IVD: variants seen among roughly 807,000 people sequenced by gnomAD.
The protein encoded by IVD is isovaleryl-CoA dehydrogenase, also known as isovaleryl-CoA dehydrogenase, mitochondrial.
In IVD, 31 loss-of-function variants were observed where a neutral mutation model predicts 51.3. The observed-to-expected ratio is 0.60, with a 90% CI of 0.45 to 0.81. IVD has a LOEUF of 0.81. Among genes scored for constraint, IVD ranks in the 40% least tolerant of loss-of-function variants. IVD has a pLI of 0.00. For missense variants in IVD, 475 were observed against 552.0 expected, an observed-to-expected ratio of 0.86 and a Z score of 1.40; for synonymous variants, 205 against 219.4, an observed-to-expected ratio of 0.93 and a Z score of 0.58.
Position 40,420,544 on chromosome 15 carries a change from C to T in IVD, c.*2281C>T. On this transcript the variant is annotated 3_prime_UTR_variant, in exon 12 of 12. Transcript: ENST00000487418. ...CTGGCCCAGGTCCTATTCCTGTCCT[C>T]CAGCCCGTTCTTTCATGAGGGACAG... 1 of 987,598 alleles carries T rather than the reference C, an allele frequency of 1.0e-6. No individual in the cohort carries two copies. Among genetic ancestry groups the T allele is most frequent in the African/African-American group, 1.7e-5 (1 of 57,422 alleles). 61.2% of individuals were successfully genotyped at this position (987,598 alleles called of 1,614,324 possible). A position where few individuals can be genotyped will look rare whatever the true frequency, so the allele number is the denominator to read the frequency against.
At chr15:40,425,898 C>T (rs1270415682), downstream of IVD, among the ~76,000 whole-genome samples, 1 of 151,998 alleles carries the variant, frequency 6.6e-6, no homozygotes, top group African/African-American at 2.4e-5. Context: ...CAGCCTTGAC[C>T]TCCCGGGCTC....
chr15:40,407,553 T>C (rs1468964692), intron 1 of IVD, 83 bp from the exon 2 acceptor site: 2 of 992,226 alleles, frequency 2.0e-6, no homozygotes, highest in Non-Finnish European at 1.6e-6. Context: ...TTTGGGGAAG[T>C]TACTTGTGGC....
downstream of IVD, chr15:40,424,024 A>C: frequency 2.1e-6 from 1 of 468,022 alleles, no homozygotes. Flanking sequence ...CCGTTCCAGA[A>C]TTTGGCCTCT....
rs149824459 is a variant in IVD at position 40,433,851 on chromosome 15, C to T, written c.720-3C>T. ...CATGTTTAATTTCCCTTTTCGTCTC[C>T]AGCCTGGGTCCATGGATCTTGGAGT... On this transcript the variant is annotated splice_region_variant and splice_polypyrimidine_tract_variant and intron_variant, in intron 7 of 8. Transcript: ENST00000473112. 13 of 456,700 alleles carry T rather than the reference C, an allele frequency of 2.8e-5. No homozygotes were observed. In the East Asian group the frequency reaches 9.0e-4, roughly 32 times the overall value. The allele number at this position is 456,700 out of a possible 1,614,324, so 28.3% of individuals were successfully genotyped here.
At chr15:40,413,491 C>A (rs915125336) in intron 7 of IVD, among the ~76,000 whole-genome samples, 34 of 151,922 alleles carry the variant, frequency 2.2e-4, no homozygotes, top group African/African-American at 7.7e-4. Context: ...AAAAACAAAA[C>A]ATCTGAATCC....
downstream of IVD, among the ~76,000 whole-genome samples, chr15:40,429,037 C>T (rs942210168): frequency 6.6e-6 from 1 of 152,196 alleles, no homozygotes; most frequent in South Asian, 2.1e-4. Flanking sequence ...AGCCATCTTA[C>T]ACTACAAGCT....
rs1171216146 is a variant in IVD at position 40,416,167 on chromosome 15, C to T, written c.1050C>T (p.Gly350=). Residue 350 remains glycine (G), a synonymous_variant, in exon 10 of 12, where the codon GGC becomes GGT. Coordinates refer to ENST00000487418, the MANE Select transcript of IVD (RefSeq NM_002225.5). The stretch of plus-strand genomic sequence containing the variant: ...ATGTCGCCAAGGCCTGCGATGAGGG[C>T]CATTGCACTGCTAAGGTGAGGGCCA... ...VYNVAKACDE[G]HCTAKDCAGV... 2 of 1,614,078 alleles carry T rather than the reference C, an allele frequency of 1.2e-6. No homozygotes were observed. Among genetic ancestry groups the T allele is most frequent in the African/African-American group, 1.3e-5 (1 of 74,956 alleles).
At position 40,431,411 on chromosome 15, in the gene IVD, G is replaced by A. The variant is rs1397379460; in HGVS notation, c.720-2443G>A. On this transcript the variant is annotated intron_variant, in intron 7 of 8. Coordinates refer to the IVD transcript ENST00000473112. ...GACTGGCTGGGGATTAAGAGTATGT[G>A]TAGGCCGGGCGCAGTGGCTCACGCC... Among the ~76,000 whole-genome samples the A allele has an allele frequency of 2.6e-5, 4 of 152,246 alleles. No homozygotes were observed. In the East Asian group the frequency reaches 5.8e-4, roughly 22 times the overall value.
intron 7 of IVD, among the ~76,000 whole-genome samples, chr15:40,430,072 G>A (rs536299004): frequency 3.0e-4 from 45 of 152,250 alleles, no homozygotes; most frequent in Admixed American, 4.6e-4. Context: ...AGCCTGGCAC[G>A]CAGTGTGGCT....
At chr15:40,412,936 C>T (rs1891234420) in intron 6 of IVD, 55 bp from the exon 7 acceptor site, 5 of 1,469,928 alleles carry the variant, frequency 3.4e-6, no homozygotes, top group Non-Finnish European at 4.8e-6. Flanking sequence ...CTTTCCTTTA[C>T]CAGGCCCCCT....
At chr15:40,417,487 C>G (rs2412523) in intron 11 of IVD, among the ~76,000 whole-genome samples, 92,591 of 147,076 alleles carry the variant, frequency 0.63, 29,870 homozygotes, top group East Asian at 0.81. Flanking sequence ...CAGCCTAGGC[C>G]ACAGAGCATG....
At chr15:40,429,359 G>C (rs866507783), downstream of IVD, among the ~76,000 whole-genome samples, 59 of 152,238 alleles carry the variant, frequency 3.9e-4, no homozygotes, top group African/African-American at 1.4e-3. Flanking sequence ...CAGGGTGCCA[G>C]GGATTCAAAG....
chr15:40,425,087 C>T (rs894276328), downstream of IVD, among the ~76,000 whole-genome samples: 1 of 152,196 alleles, frequency 6.6e-6, no homozygotes, highest in South Asian at 2.1e-4. Context: ...GACCCTGACC[C>T]TCCTCTGCTA....
In IVD at chr15:40,405,916, A is replaced by G; in HGVS notation, c.89A>G (p.His30Arg). 6.2e-7 allele frequency: 1 copy of G among 1,613,114 alleles called. No homozygotes were observed. Among genetic ancestry groups the G allele is most frequent in the East Asian group, 2.2e-5 (1 of 44,882 alleles). The change falls in exon 1 of 12, where the codon CAC becomes CGC. Residue 30 changes from histidine to arginine, a missense_variant. Physicochemically the swap from His to Arg is conservative, Grantham distance 29 (BLOSUM62 0). Transcript: ENST00000487418. ...GCCGGCTTCGTTTCCCAGCGGGCCC[A>G]CTCGCTTTTGCCCGTGGACGATGCA... ...PLAGFVSQRA[H>R]SLLPVDDAIN...
chr15:40,427,865 T>C (rs1595823154), downstream of IVD, among the ~76,000 whole-genome samples: 1 of 151,632 alleles, frequency 6.6e-6, no homozygotes, highest in African/African-American at 2.4e-5. Flanking sequence ...AGGGTGGGAG[T>C]CAGACCAGTC....
At chr15:40,422,583 G>A (rs11635104), downstream of IVD, among the ~76,000 whole-genome samples, 54,484 of 85,738 alleles carry the variant, frequency 0.64, 14,720 homozygotes, top group East Asian at 0.83. Flanking sequence ...GCGCCCGGCC[G>A]ACTTTTTTTT....
downstream of IVD, among the ~76,000 whole-genome samples, chr15:40,426,137 T>C (rs1374763257): frequency 6.6e-6 from 1 of 152,168 alleles, no homozygotes; most frequent in Non-Finnish European, 1.5e-5. Context: ...CTGTAATCTC[T>C]TCAATTTTTT....
At chr15:40,414,078 C>T (rs1396985689) in intron 7 of IVD, among the ~76,000 whole-genome samples, 5 of 152,046 alleles carry the variant, frequency 3.3e-5, no homozygotes, top group Admixed American at 1.3e-4. Context: ...AGGCTGCTCT[C>T]GAACTCCTGA....
In IVD at chr15:40,421,034, C is replaced by T. The variant is rs900806120; in HGVS notation, c.*2771C>T. ...GTTGGCTCCTCACCAACCCCAGTTCCGTCCCATCCTGAGGGCAAGATCCTG... is the reference window on the plus strand; with the variant it reads ...GTTGGCTCCTCACCAACCCCAGTTCTGTCCCATCCTGAGGGCAAGATCCTG... On this transcript the variant is annotated 3_prime_UTR_variant, in exon 12 of 12. Coordinates refer to ENST00000487418, the MANE Select transcript of IVD (RefSeq NM_002225.5). 7.1e-6 allele frequency: 7 copies of T among 985,292 alleles called. No individual in the cohort carries two copies. The highest frequency in any genetic ancestry group is 4.7e-5 in the South Asian group (1 of 21,236). The allele number at this position is 985,292 out of a possible 1,614,324, so 61.0% of individuals were successfully genotyped here. A position where few individuals can be genotyped will look rare whatever the true frequency, so the allele number is the denominator to read the frequency against.
Sources: gnomAD v4.1 joint callset for allele counts (sites outside exome capture counted in the v4.1 genomes callset) on GRCh38, gnomAD v4.1.1 for gene constraint, MANE v1.5 for transcripts, NCBI Gene and HGNC (gene_info 2026-07-23, HGNC 2026-07-21) for gene names.